The following ERBB2 variants were observed in gnomAD, a reference collection of about 807,000 sequenced individuals.
The protein encoded by ERBB2 is erb-b2 receptor tyrosine kinase 2.
In ERBB2, 61 loss-of-function variants were observed where a neutral mutation model predicts 149.0. That is an observed-to-expected ratio of 0.41 (90% CI 0.33 to 0.51). The LOEUF (loss-of-function observed/expected upper bound fraction) is 0.51, where lower values mean the gene tolerates loss of function less well. Ranked by LOEUF, ERBB2 falls within the 20% of genes least tolerant of loss-of-function variation. The pLI, the probability that ERBB2 is intolerant of heterozygous loss-of-function variation, is 0.25. For missense variants in ERBB2, 1,205 were observed against 1,655.1 expected (o/e 0.73, Z 4.72); for synonymous variants, 633 against 678.8 (o/e 0.93, Z 1.05).
At chr17:39,698,572 G>A (rs1379406299), upstream of ERBB2, among the ~76,000 whole-genome samples, 1 of 152,022 alleles carries the variant, frequency 6.6e-6, no homozygotes, top group African/African-American at 2.4e-5. Flanking sequence ...TTCAAGATTT[G>A]AACCCAGGTC....
rs2145444025 is a variant in ERBB2, at chr17:39,708,472, C to T, written c.377C>T (p.Thr126Ile). The change falls in exon 3 of 27, where the codon ACC becomes ATC. Residue 126 changes from threonine to isoleucine, a missense_variant. Transcript: ENST00000269571. ...GACAATGGAGACCCGCTGAACAATA[C>T]CACCCCTGTCACAGGGGCCTCCCCA... is the stretch of plus-strand genomic sequence containing the variant. The part of the protein sequence containing the change: ...VLDNGDPLNN[T>I]TPVTGASPGG... The T allele has an allele frequency of 2.5e-6, 4 of 1,614,164 alleles. No homozygotes were observed. Among genetic ancestry groups the T allele is most frequent in the Non-Finnish European group, 3.4e-6 (4 of 1,179,998 alleles).
Position 39,725,810 on chromosome 17 carries a change from G to GC in ERBB2, c.2835dup (p.Ile946HisfsTer5). On this transcript the variant is annotated frameshift_variant, in exon 23 of 27. Transcript: ENST00000269571. LOFTEE classifies it high-confidence loss of function. This position sits in a 1 kb window ranked among gnomAD's most constrained non-coding sequence, Gnocchi z 4.6. ...TGGAAAAGGGGGAGCGGCTGCCCCA[G>GC]CCCCCCATCTGCACCATTGATGTCT... 6.2e-7 allele frequency: 1 copy of GC among 1,613,836 alleles called. No homozygotes were observed. Among genetic ancestry groups the GC allele is most frequent in the Non-Finnish European group, 8.5e-7 (1 of 1,179,896 alleles).
intron 1 of ERBB2, among the ~76,000 whole-genome samples, chr17:39,702,562 A>G (rs189400954): frequency 3.9e-5 from 6 of 152,198 alleles, no homozygotes; most frequent in Non-Finnish European, 7.4e-5. Context: ...GAAAGTACTC[A>G]TTTTATTTGT....
Position 39,728,038 on chromosome 17 carries a change from A to G in ERBB2, c.3762A>G (p.Pro1254=). The G allele has an allele frequency of 6.3e-7, 1 of 1,579,328 alleles. No homozygotes were observed. The highest frequency in any genetic ancestry group is 8.6e-7 in the Non-Finnish European group (1 of 1,162,972). ...CAGAGTACCTGGGTCTGGACGTGCC[A>G]GTGTGAACCAGAAGGCCAAGTCCGC... The part of the protein sequence containing the change: ...ENPEYLGLDV[P]V Residue 1254 remains proline (P), a synonymous_variant, in exon 27 of 27, where the codon CCA becomes CCG. Transcript: ENST00000269571.
chr17:39,706,407 C>G (rs972816848), intron 1 of ERBB2, among the ~76,000 whole-genome samples: 1 of 152,192 alleles, frequency 6.6e-6, no homozygotes, highest in African/African-American at 2.4e-5. Context: ...TCCCAGAGGT[C>G]TCTGCAATGA....
In ERBB2 at chr17:39,723,630, T is replaced by C. The variant is rs778422158; in HGVS notation, c.2178T>C (p.Leu726=). Residue 726 remains leucine (L), a synonymous_variant, in exon 18 of 27, where the codon CTT becomes CTC. Transcript: ENST00000269571. The surrounding 1 kb of genome is among the most constrained non-coding windows in gnomAD (Gnocchi z 6.2). ...CGGAGCTGAGGAAGGTGAAGGTGCT[T>C]GGATCTGGCGCTTTTGGCACAGTCT... ...KETELRKVKV[L]GSGAFGTVYK... 8 of 1,605,734 alleles carry C rather than the reference T, an allele frequency of 5.0e-6. No homozygotes were observed. Among genetic ancestry groups the C allele is most frequent in the Non-Finnish European group, 3.4e-6 (4 of 1,176,228 alleles).
Position 39,726,621 on chromosome 17 carries a change from C to T in ERBB2, c.2932C>T (p.Arg978Cys), listed in dbSNP as rs758973569. 4.3e-6 allele frequency: 7 copies of T among 1,614,060 alleles called. No homozygotes were observed. The highest frequency in any genetic ancestry group is 1.3e-5 in the African/African-American group (1 of 74,914). ...CCGGGAGTTGGTGTCTGAATTCTCC[C>T]GCATGGCCAGGGACCCCCAGCGCTT... Reference protein sequence around the residue: ...RFRELVSEFSRMARDPQRFVV... With the variant: ...RFRELVSEFSCMARDPQRFVV... Residue 978 changes from arginine to cysteine, a missense_variant, in exon 24 of 27, where the codon CGC becomes TGC. Around this residue, in one of 6 missense-constraint regions of ERBB2, gnomAD observed 63 missense variants for 74.2 expected, o/e 0.85. Coordinates refer to ENST00000269571, the MANE Select transcript of ERBB2 (RefSeq NM_004448.4). This position sits in a 1 kb window ranked among gnomAD's most constrained non-coding sequence, Gnocchi z 5.1.
intron 9 of ERBB2, 75 bp downstream of exon 9, chr17:39,712,523 C>G (rs2145583853): frequency 6.5e-7 from 1 of 1,538,878 alleles, no homozygotes; most frequent in Non-Finnish European, 8.9e-7. Flanking sequence ...GGCAGCATCT[C>G]TTGGGGATGG....
At chr17:39,698,146 C>T (rs1483111559), upstream of ERBB2, among the ~76,000 whole-genome samples, 1 of 152,298 alleles carries the variant, frequency 6.6e-6, no homozygotes, top group East Asian at 1.9e-4. Flanking sequence ...AGAGCATTAT[C>T]TCCTTTAACC....
chr17:39,709,526 C>G (rs983696263), intron 4 of ERBB2, 74 bp downstream of exon 4: 2 of 1,548,318 alleles, frequency 1.3e-6, no homozygotes, highest in East Asian at 2.3e-5. Context: ...AACTTACAAC[C>G]CAGTGCCTGC....
chr17:39,697,341 G>GTTGT (rs2057886106), upstream of ERBB2, among the ~76,000 whole-genome samples: 4 of 137,810 alleles, frequency 2.9e-5, no homozygotes, highest in African/African-American at 1.1e-4. Flanking sequence ...TGCTAGGGTT[G>GTTGT]TTTTTTTGTT....
chr17:39,716,170 C>A, intron 12 of ERBB2, 131 bp from the exon 13 acceptor site: 1 of 1,075,554 alleles, frequency 9.3e-7, no homozygotes, highest in Non-Finnish European at 1.3e-6. Flanking sequence ...CAGAACTCTT[C>A]CTCTCCCTAC....
At chr17:39,695,702 CAT>C (rs1352913592), upstream of ERBB2, among the ~76,000 whole-genome samples, 11 of 112,114 alleles carry the variant, frequency 9.8e-5, no homozygotes, top group African/African-American at 3.5e-4. Flanking sequence ...TTGGTGCATG[CAT>C]ACACACACAC....
chr17:39,700,154 C>G lies in ERBB2; in HGVS notation c.-85C>G. On this transcript the variant is annotated 5_prime_UTR_variant, in exon 1 of 27. Coordinates refer to ENST00000269571, the MANE Select transcript of ERBB2 (RefSeq NM_004448.4). ...GCCCTTTACTGCGCCGCGCGCCCGG[C>G]CCCCACCCCTCGCAGCACCCCGCGC... 7.5e-7 allele frequency: 1 copy of G among 1,328,600 alleles called. No homozygotes were observed. The highest frequency in any genetic ancestry group is 2.1e-5 in the South Asian group (1 of 47,446). The allele number at this position is 1,328,600 out of a possible 1,614,324, so 82.3% of individuals were successfully genotyped here.
In ERBB2 at chr17:39,710,126, G is replaced by C; in HGVS notation, c.684G>C (p.Lys228Asn). The stretch of plus-strand genomic sequence containing the variant: ...GTGCCGGTGGCTGTGCCCGCTGCAA[G>C]GGGCCACTGCCCACTGACTGCTGCC... ...TVCAGGCARC[K>N]GPLPTDCCHE... Residue 228 changes from lysine (K) to asparagine (N), a missense_variant, in exon 6 of 27, where the codon AAG becomes AAC. This residue lies in a region of ERBB2 where 569 missense variants were observed against 803.5 expected (regional missense o/e 0.71). Transcript: ENST00000269571. 1 of 1,611,000 alleles carries C rather than the reference G, an allele frequency of 6.2e-7. No individual in the cohort carries two copies. The highest frequency in any genetic ancestry group is 8.5e-7 in the Non-Finnish European group (1 of 1,179,562).
upstream of ERBB2, among the ~76,000 whole-genome samples, chr17:39,698,734 G>A (rs899447798): frequency 6.6e-6 from 1 of 152,142 alleles, no homozygotes; most frequent in Non-Finnish European, 1.5e-5. Context: ...AGATGGGGGG[G>A]AGGGAAGAGA....
intron 2 of ERBB2, chr17:39,688,835 T>A (rs1597834387): frequency 6.6e-6 from 1 of 152,388 alleles, no homozygotes; most frequent in East Asian, 1.9e-4. Flanking sequence ...TTCTTCTGTT[T>A]AATGAATGAA....
chr17:39,695,360 G>A (rs2057834687), upstream of ERBB2, among the ~76,000 whole-genome samples: 2 of 152,088 alleles, frequency 1.3e-5, no homozygotes, highest in South Asian at 4.1e-4. Context: ...GGCTAATCCT[G>A]GGCTCAGGGA....
At position 39,727,849 on chromosome 17, in the gene ERBB2, G is replaced by A. The variant is rs750063274; in HGVS notation, c.3573G>A (p.Val1191=). ...ACGTTTTTGCCTTTGGGGGTGCCGT[G>A]GAGAACCCCGAGTACTTGACACCCC... ...VKDVFAFGGA[V]ENPEYLTPQG... The change falls in exon 27 of 27, where the codon GTG becomes GTA. Residue 1191 remains valine (V), a synonymous_variant. Coordinates refer to ENST00000269571, the MANE Select transcript of ERBB2 (RefSeq NM_004448.4). The surrounding 1 kb of genome is among the most constrained non-coding windows in gnomAD (Gnocchi z 4.3). 17 of 1,613,916 alleles carry A rather than the reference G, an allele frequency of 1.1e-5. No homozygotes were observed. Among genetic ancestry groups the A allele is most frequent in the Admixed American group, 3.3e-5 (2 of 59,984 alleles).
Sources: allele counts gnomAD v4.1 joint callset (sites outside exome capture counted in the v4.1 genomes callset), GRCh38; gene constraint gnomAD v4.1.1; regional missense constraint gnomAD v4.1.1; non-coding constraint Gnocchi (gnomAD v3.1); transcripts MANE v1.5; gene names NCBI Gene and HGNC (gene_info 2026-07-23, HGNC 2026-07-21).